The following GGT6 variants were observed in gnomAD, a reference collection of about 807,000 sequenced individuals.
The protein encoded by GGT6 is glutathione hydrolase 6.
GGT6 carries 13 observed loss-of-function variants against 17.0 expected under a neutral mutation model. The observed-to-expected ratio is 0.77, with a 90% CI of 0.50 to 1.22. The LOEUF (loss-of-function observed/expected upper bound fraction) is 1.22. Ranked by LOEUF, GGT6 falls within the 50% of genes most tolerant of loss-of-function variation. GGT6 has a pLI of 0.00. For missense variants in GGT6, 628 were observed against 643.7 expected, an observed-to-expected ratio of 0.98 and a Z score of 0.26; for synonymous variants, 305 against 297.9, an observed-to-expected ratio of 1.02 and a Z score of -0.25.
chr17:4,560,246 TC>T, intron 1 of GGT6, 135 bp downstream of exon 1: 1 of 947,272 alleles, frequency 1.1e-6, no homozygotes, highest in Non-Finnish European at 1.6e-6. Context: ...GCCTGGGTTT[TC>T]CCCCAAATTG....
chr17:4,559,879 A>G lies in GGT6; in HGVS notation c.141-119T>C. 4.5e-6 allele frequency: 4 copies of G among 882,728 alleles called. No homozygotes were observed. In the South Asian group the frequency reaches 4.9e-5, roughly 11 times the overall value. 54.7% of individuals were successfully genotyped at this position (882,728 alleles called of 1,614,324 possible). A position where few individuals can be genotyped will look rare whatever the true frequency, so the allele number is the denominator to read the frequency against. ...TTAGCAAGAGGAGCACAAGTCAGCC[A>G]AGGAGAAAGGGCTTCTTGGCAGCGG... On this transcript the variant is annotated intron_variant, in intron 1 of 3. Coordinates refer to ENST00000381550, the MANE Select transcript of GGT6 (RefSeq NM_001288702.2).
Position 4,557,942 on chromosome 17 carries a change from C to T in GGT6, c.*73G>A. On this transcript the variant is annotated 3_prime_UTR_variant, in exon 4 of 4. Transcript: ENST00000381550. ...CACCCTGCGGGTGCACACTCCATTG[C>T]TGCTGTGTCTGCTCTGCTCCTGCCC... The T allele has an allele frequency of 2.0e-6, 2 of 1,009,592 alleles. No homozygotes were observed. Among genetic ancestry groups the T allele is most frequent in the Non-Finnish European group, 2.8e-6 (2 of 704,218 alleles). 62.5% of individuals were successfully genotyped at this position (1,009,592 alleles called of 1,614,324 possible). A position where few individuals can be genotyped will look rare whatever the true frequency, so the allele number is the denominator to read the frequency against.
In GGT6 at chr17:4,557,752, A is replaced by C; in HGVS notation, c.*263T>G. On this transcript the variant is annotated 3_prime_UTR_variant, in exon 4 of 4. Transcript: ENST00000381550. Reference sequence around the variant, plus strand: ...GCGAGCTTCCTGCCTCAGCCTCCCAAGCAGCTGGGACAACAGGCATGTGCC... The same window carrying C: ...GCGAGCTTCCTGCCTCAGCCTCCCACGCAGCTGGGACAACAGGCATGTGCC... The C allele has an allele frequency of 2.7e-6, 1 of 372,200 alleles. No homozygotes were observed. Among genetic ancestry groups the C allele is most frequent in the Non-Finnish European group, 4.9e-6 (1 of 205,970 alleles). 23.1% of individuals were successfully genotyped at this position (372,200 alleles called of 1,614,324 possible). A position where few individuals can be genotyped will look rare whatever the true frequency, so the allele number is the denominator to read the frequency against.
rs1251827136 is a variant in GGT6 at position 4,559,568 on chromosome 17, G to A, written c.333C>T (p.Ile111=). 2 of 1,613,596 alleles carry A rather than the reference G, an allele frequency of 1.2e-6. No individual in the cohort carries two copies. Among genetic ancestry groups the A allele is most frequent in the Non-Finnish European group, 1.7e-6 (2 of 1,180,000 alleles). Residue 111 remains isoleucine (I), a synonymous_variant, in exon 2 of 4, where the codon ATC becomes ATT. Transcript: ENST00000381550. ...GPGVYHHGAI[I]SPAATCSHLG... is the part of the protein sequence containing the mutation. ...CCAGCACTGACTGACCTGCAGGGCT[G>A]ATGATGGCACCGTGGTGGTATACGC...
rs1908506628 is a variant in GGT6 at position 4,559,766 on chromosome 17, GA to G, written c.141-7del. 6.2e-7 allele frequency: 1 copy of G among 1,610,016 alleles called. No individual in the cohort carries two copies. Among genetic ancestry groups the G allele is most frequent in the Non-Finnish European group, 8.5e-7 (1 of 1,179,460 alleles). On this transcript the variant is annotated splice_polypyrimidine_tract_variant and splice_region_variant and intron_variant, in intron 1 of 3. Transcript: ENST00000381550. ...GCAGCCCGCCAGCCTTGTTCCTGCA[GA>G]GGGGGGGTGTCCTGAGCCACGGCTG...
In GGT6 at chr17:4,560,544, C is replaced by CCCT; in HGVS notation, c.-26_-24dup. The stretch of plus-strand genomic sequence containing the variant: ...CATGGCCCCCCAGTGCTCGCCCCAG[C>CCCT]CCTCCTGCCTGCCAGCCTTTCCGGC... On this transcript the variant is annotated 5_prime_UTR_variant, in exon 1 of 4. Transcript: ENST00000381550. 6.2e-7 allele frequency: 1 copy of CCCT among 1,605,924 alleles called. No individual in the cohort carries two copies. The highest frequency in any genetic ancestry group is 2.2e-5 in the East Asian group (1 of 44,882).
Position 4,558,111 on chromosome 17 carries a change from A to G in GGT6, c.1404T>C (p.Thr468=), listed in dbSNP as rs1477985043. The G allele has an allele frequency of 6.2e-7, 1 of 1,611,742 alleles. No homozygotes were observed. The highest frequency in any genetic ancestry group is 8.5e-7 in the Non-Finnish European group (1 of 1,178,590). The change falls in exon 4 of 4, where the codon ACT becomes ACC. Residue 468 remains threonine, a synonymous_variant. Coordinates refer to ENST00000381550, the MANE Select transcript of GGT6 (RefSeq NM_001288702.2). ...GQQEPTEHPS[T]CGQGTLLQVA... ...CCTGGAGCAGGGTCCCTTGGCCACA[A>G]GTGCTGGGATGCTCTGTTGGTTCTT...
At chr17:4,560,266 G>A in intron 1 of GGT6, 116 bp downstream of exon 1, 1 of 1,165,762 alleles carries the variant, frequency 8.6e-7, no homozygotes, top group Non-Finnish European at 1.2e-6. Flanking sequence ...TGACCGTACA[G>A]TGCCTGGAGC....
Position 4,558,538 on chromosome 17 carries a change from A to G in GGT6, c.977T>C (p.Leu326Pro). Residue 326 changes from leucine (L) to proline (P), a missense_variant, in exon 4 of 4, where the codon CTG (leucine) becomes CCG (proline). Physicochemically the swap from Leu to Pro is moderately conservative, Grantham distance 98. Coordinates refer to ENST00000381550, the MANE Select transcript of GGT6 (RefSeq NM_001288702.2). ...TTPSPSAGPE[L>P]LALLEAALRS... ...CAGGGCTGCCTCCAACAGTGCCAGC[A>G]GTTCTGGGCCAGCTGAGGGACTGGG... 6.3e-7 allele frequency: 1 copy of G among 1,581,960 alleles called. No homozygotes were observed. Among genetic ancestry groups the G allele is most frequent in the South Asian group, 1.2e-5 (1 of 86,084 alleles).
At position 4,558,011 on chromosome 17, in the gene GGT6, C is replaced by T. The variant is rs771035563; in HGVS notation, c.*4G>A. 2.1e-5 allele frequency: 32 copies of T among 1,514,668 alleles called. No homozygotes were observed. The highest frequency in any genetic ancestry group is 2.7e-5 in the Non-Finnish European group (31 of 1,132,070). The allele number at this position is 1,514,668 out of a possible 1,614,324, so 93.8% of individuals were successfully genotyped here. A position where few individuals can be genotyped will look rare whatever the true frequency, so the allele number is the denominator to read the frequency against. On this transcript the variant is annotated 3_prime_UTR_variant, in exon 4 of 4. Coordinates refer to ENST00000381550, the MANE Select transcript of GGT6 (RefSeq NM_001288702.2). ...TGCCTTCTGCCAGACCCACCCCCAT[C>T]CTGTTAGAACCCCTGGAAGGGGCAG...
At position 4,559,697 on chromosome 17, in the gene GGT6, A is replaced by G; in HGVS notation, c.204T>C (p.Ala68=). The part of the protein sequence containing the change: ...ARVVAALLLL[A]VGCSLAVRQL... ...GCCTCACAGCCAGGGAGCAGCCAAC[A>G]GCCAGCAGCAGCAGGGCTGCCACTA... The change falls in exon 2 of 4, where the codon GCT becomes GCC. Residue 68 remains alanine (A), a synonymous_variant. Coordinates refer to ENST00000381550, the MANE Select transcript of GGT6 (RefSeq NM_001288702.2). 1.9e-6 allele frequency: 3 copies of G among 1,612,236 alleles called. No individual in the cohort carries two copies. Among genetic ancestry groups the G allele is most frequent in the Non-Finnish European group, 1.7e-6 (2 of 1,179,996 alleles).
chr17:4,558,265 G>C lies in GGT6; in HGVS notation c.1250C>G (p.Thr417Arg), dbSNP rs1908311856. 1 of 1,614,058 alleles carries C rather than the reference G, an allele frequency of 6.2e-7. No homozygotes were observed. Among genetic ancestry groups the C allele is most frequent in the Non-Finnish European group, 8.5e-7 (1 of 1,180,048 alleles). ...PLILRGSLDDTEADVLGLVAS... is the reference protein window; with the variant it reads ...PLILRGSLDDREADVLGLVAS... ...CACAAGCCCCAACACATCAGCCTCT[G>C]TGTCATCCAGGCTGCCACGGAGGAT... Residue 417 changes from threonine to arginine, a missense_variant, in exon 4 of 4, where the codon ACA becomes AGA. Coordinates refer to ENST00000381550, the MANE Select transcript of GGT6 (RefSeq NM_001288702.2).
chr17:4,556,657 C>T (rs1908157767), downstream of GGT6, among the ~76,000 whole-genome samples: 1 of 152,228 alleles, frequency 6.6e-6, no homozygotes, highest in Non-Finnish European at 1.5e-5. Flanking sequence ...AACTCCAACC[C>T]CTTTGTACCC....
rs1296860894 is a variant in GGT6 at position 4,558,993 on chromosome 17, G to T, written c.522C>A (p.Gly174=). 3 of 1,545,734 alleles carry T rather than the reference G, an allele frequency of 1.9e-6. No homozygotes were observed. Among genetic ancestry groups the T allele is most frequent in the Non-Finnish European group, 2.6e-6 (3 of 1,146,954 alleles). Residue 174 remains glycine (G), a synonymous_variant, in exon 4 of 4, where the codon GGC becomes GGA. Coordinates refer to ENST00000381550, the MANE Select transcript of GGT6 (RefSeq NM_001288702.2). ...GGCCGGGGGCCAGGGTCTGTGCTGG[G>T]CCTGATGTCAGGGCCGTGGAATTGC... The part of the protein sequence containing the change: ...SSGNSTALTS[G]PAQTLAPGLG...
At chr17:4,559,858 C>T in intron 1 of GGT6, 98 bp from the exon 2 acceptor site, 2 of 1,126,556 alleles carry the variant, frequency 1.8e-6, no homozygotes, top group Admixed American at 2.1e-5. Flanking sequence ...TTTGATTTAG[C>T]AAGAGGAGCA....
Position 4,558,141 on chromosome 17 carries a change from A to G in GGT6, c.1374T>C (p.Gly458=), listed in dbSNP as rs762232053. ...PPTQAQHQHQ[G]QQEPTEHPST... is the part of the protein sequence containing the mutation. ...TGGGATGCTCTGTTGGTTCTTGCTG[A>G]CCCTGATGCTGGTGCTGGGCCTGGG... Residue 458 remains glycine, a synonymous_variant, in exon 4 of 4, where the codon GGT becomes GGC. Transcript: ENST00000381550. The G allele has an allele frequency of 1.9e-6, 3 of 1,613,592 alleles. No homozygotes were observed. Among genetic ancestry groups the G allele is most frequent in the Non-Finnish European group, 1.7e-6 (2 of 1,179,750 alleles).
At position 4,557,580 on chromosome 17, in the gene GGT6, G is replaced by C. The variant is rs1248202937; in HGVS notation, c.*435C>G. 3 of 152,468 alleles carry C rather than the reference G, an allele frequency of 2.0e-5. No homozygotes were observed. The highest frequency in any genetic ancestry group is 7.2e-5 in the African/African-American group (3 of 41,434). 9.4% of individuals were successfully genotyped at this position (152,468 alleles called of 1,614,324 possible). A position where few individuals can be genotyped will look rare whatever the true frequency, so the allele number is the denominator to read the frequency against. ...TCCACCTGCCTTGGCCTCCCAAAGT[G>C]CTGGGATTACAGGCATGAGCCACCG... On this transcript the variant is annotated 3_prime_UTR_variant, in exon 4 of 4. Coordinates refer to ENST00000381550, the MANE Select transcript of GGT6 (RefSeq NM_001288702.2).
Position 4,560,326 on chromosome 17 carries a change from G to C in GGT6, c.140+56C>G, listed in dbSNP as rs9905862. On this transcript the variant is annotated intron_variant, in intron 1 of 3. Coordinates refer to ENST00000381550, the MANE Select transcript of GGT6 (RefSeq NM_001288702.2). Reference sequence around the variant, plus strand: ...TCCCCCTGAGGGGCTCCAGAGAGAGGGACTTGCCAACCTCAAGCCTGGGGA... The same window carrying C: ...TCCCCCTGAGGGGCTCCAGAGAGAGCGACTTGCCAACCTCAAGCCTGGGGA... The C allele has an allele frequency of 2.8e-3, 4,554 of 1,606,194 alleles. 84 individuals carry two copies. In the African/African-American group the frequency reaches 0.049, roughly 17 times the overall value.
Position 4,559,345 on chromosome 17 carries a change from A to G in GGT6, c.455T>C (p.Leu152Pro), listed in dbSNP as rs996689480. The part of the protein sequence containing the change: ...LAVVHPHATG[L>P]GAMFWGLFHD... ...GTCTGGGGTCAGGGGTCACTGACCT[A>G]GCCCCGTGGCATGAGGATGCACCAC... Residue 152 changes from leucine (L) to proline (P), a missense_variant and splice_region_variant, in exon 3 of 4, where the codon CTA (leucine) becomes CCA (proline). Coordinates refer to ENST00000381550, the MANE Select transcript of GGT6 (RefSeq NM_001288702.2). 1.3e-6 allele frequency: 2 copies of G among 1,550,280 alleles called. No homozygotes were observed. The highest frequency in any genetic ancestry group is 1.7e-6 in the Non-Finnish European group (2 of 1,145,806).
Sources: allele counts gnomAD v4.1 joint callset (sites outside exome capture counted in the v4.1 genomes callset), GRCh38; gene constraint gnomAD v4.1.1; transcripts MANE v1.5; gene names NCBI Gene and HGNC (gene_info 2026-07-23, HGNC 2026-07-21).